The following ATP9B variants were observed in gnomAD, a reference collection of about 807,000 sequenced individuals.
ATP9B encodes the protein probable phospholipid-transporting ATPase IIB.
A neutral mutation model predicts 146.1 loss-of-function variants in ATP9B; 110 were observed. The observed-to-expected ratio is 0.75, with a 90% CI of 0.65 to 0.88. The LOEUF (loss-of-function observed/expected upper bound fraction) is 0.88, where lower values mean the gene tolerates loss of function less well. Among genes scored for constraint, ATP9B ranks in the 40% least tolerant of loss-of-function variants. ATP9B has a pLI of 0.00. For missense variants in ATP9B, 1,499 were observed against 1,496.4 expected (o/e 1.00, Z -0.03); for synonymous variants, 604 against 569.7 (o/e 1.06, Z -0.86).
intron 7 of ATP9B, among the ~76,000 whole-genome samples, chr18:79,165,421 A>T (rs2094950247): frequency 6.6e-6 from 1 of 152,196 alleles, no homozygotes; most frequent in African/African-American, 2.4e-5. Context: ...ACCAGAAGCC[A>T]GTAGCATTCT....
In ATP9B at chr18:79,377,320, G is replaced by A. The variant is rs1416961888; in HGVS notation, c.3381G>A (p.Leu1127=). The change falls in exon 30 of 30, where the codon CTG becomes CTA. Residue 1127 remains leucine, a synonymous_variant. Transcript: ENST00000426216. ...SAITVVSCLP[L]YVLKYLRRKL... ...TCACCGTGGTCAGCTGCCTCCCGCT[G>A]TATGTCCTCAAGTACCTGAGGCGCA... is the stretch of plus-strand genomic sequence containing the variant. 6.2e-7 allele frequency: 1 copy of A among 1,612,226 alleles called. No homozygotes were observed.
At chr18:79,365,789 G>T (rs1226915884) in intron 26 of ATP9B, among the ~76,000 whole-genome samples, 3 of 152,216 alleles carry the variant, frequency 2.0e-5, no homozygotes, top group Non-Finnish European at 2.9e-5. Flanking sequence ...GTGGATGGAG[G>T]ACAACTCCGT....
At position 79,071,287 on chromosome 18, in the gene ATP9B, G is replaced by A. The variant is rs554393516; in HGVS notation, c.119+1758G>A. 1.4e-4 allele frequency among the ~76,000 whole-genome samples: 21 copies of A among 151,150 alleles called. No individual in the cohort carries two copies. In the South Asian group the frequency reaches 4.4e-3, roughly 32 times the overall value. ...AGTATCATGTCCTGGGTATCAGATG[G>A]TGTTACAGTTTTTGTGTCAGTCATC... On this transcript the variant is annotated intron_variant, in intron 1 of 29. Transcript: ENST00000426216.
At chr18:79,340,583 A>G (rs2096852848) in intron 19 of ATP9B, 1 of 152,224 alleles carries the variant, frequency 6.6e-6, no homozygotes, top group Admixed American at 6.5e-5. Flanking sequence ...CCAAAAATGC[A>G]TATTTCAATA....
chr18:79,200,762 C>CTGTCGGGGTCAGAGCAGAGGTGGAG (rs376428579), intron 9 of ATP9B, among the ~76,000 whole-genome samples: 2 of 26,788 alleles, frequency 7.5e-5, no homozygotes, highest in South Asian at 1.3e-3. Flanking sequence ...GAGGTGGGAA[C>CTGTCGGGGTCAGAGCAGAGGTGGAG]GTTGGGGTCA....
Position 79,377,259 on chromosome 18 carries a change from T to C in ATP9B, c.3320T>C (p.Ile1107Thr). 6.2e-7 allele frequency: 1 copy of C among 1,612,108 alleles called. No individual in the cohort carries two copies. Among genetic ancestry groups the C allele is most frequent in the Non-Finnish European group, 8.5e-7 (1 of 1,180,022 alleles). The part of the protein sequence containing the change: ...SFGAFLDVAF[I>T]TTVTFLWKVS... ...TTCCTGCCAACAGATGTTGCCTTTA[T>C]CACCACCGTGACCTTCCTGTGGAAA... Residue 1107 changes from isoleucine (I) to threonine (T), a missense_variant, in exon 30 of 30, where the codon ATC becomes ACC. By Grantham distance (89) the Ile-to-Thr change is moderately conservative (BLOSUM62 -1). Coordinates refer to ENST00000426216, the MANE Select transcript of ATP9B (RefSeq NM_198531.5).
intron 10 of ATP9B, among the ~76,000 whole-genome samples, chr18:79,213,092 T>C (rs2095598429): frequency 6.6e-6 from 1 of 152,202 alleles, no homozygotes; most frequent in Non-Finnish European, 1.5e-5. Context: ...CATGTTAAGT[T>C]AATGTGACAT....
intron 26 of ATP9B, chr18:79,372,494 G>A: frequency 2.1e-6 from 1 of 479,456 alleles, no homozygotes; most frequent in Non-Finnish European, 4.1e-6. Context: ...TGTTTTTATT[G>A]CCAAGAGCCT....
At chr18:79,243,062 A>G (rs1341346603) in intron 11 of ATP9B, among the ~76,000 whole-genome samples, 1 of 151,968 alleles carries the variant, frequency 6.6e-6, no homozygotes, top group Admixed American at 6.5e-5. Flanking sequence ...TGCTATAACT[A>G]TCCTTCATTC....
At chr18:79,243,686 T>G (rs563202126) in intron 11 of ATP9B, among the ~76,000 whole-genome samples, 204 of 152,362 alleles carry the variant, frequency 1.3e-3, no homozygotes, top group African/African-American at 4.8e-3. Flanking sequence ...GTTGAGCACT[T>G]AAGCATTAAG....
chr18:79,371,401 A>C (rs12959818), intron 26 of ATP9B, among the ~76,000 whole-genome samples: 1 of 130,710 alleles, frequency 7.7e-6, no homozygotes, highest in Non-Finnish European at 1.6e-5. Context: ...AAAAAAAAAA[A>C]CAGTAGTGCT....
intron 25 of ATP9B, among the ~76,000 whole-genome samples, chr18:79,350,606 G>A (rs754049754): frequency 8.5e-5 from 13 of 152,322 alleles, no homozygotes; most frequent in African/African-American, 3.1e-4. Context: ...GATGGAAATG[G>A]TGGTAGGATT....
At chr18:79,184,701 T>C (rs780270400) in intron 8 of ATP9B, among the ~76,000 whole-genome samples, 4 of 152,174 alleles carry the variant, frequency 2.6e-5, no homozygotes, top group Non-Finnish European at 5.9e-5. Context: ...TGTGTCCTTC[T>C]TTTTCTTGTG....
intron 2 of ATP9B, among the ~76,000 whole-genome samples, chr18:79,104,541 A>G (rs1441557544): frequency 6.6e-6 from 1 of 152,192 alleles, no homozygotes; most frequent in East Asian, 1.9e-4. Flanking sequence ...TTATTGAACT[A>G]ATTTTTCTGG....
intron 25 of ATP9B, among the ~76,000 whole-genome samples, chr18:79,350,712 C>T (rs752537939): frequency 6.6e-6 from 1 of 151,590 alleles, no homozygotes; most frequent in South Asian, 2.1e-4. Context: ...TAAGTGCTAA[C>T]GCTTTTTAAA....
At chr18:79,245,084 T>G (rs560346999) in intron 11 of ATP9B, among the ~76,000 whole-genome samples, 31 of 152,312 alleles carry the variant, frequency 2.0e-4, no homozygotes, top group Non-Finnish European at 2.9e-5. Flanking sequence ...CCCCCCACTG[T>G]CAGGATCTGC....
Position 79,242,780 on chromosome 18 carries a change from C to T in ATP9B, c.1108-10601C>T, listed in dbSNP as rs73973023. On this transcript the variant is annotated intron_variant, in intron 11 of 29. Coordinates refer to ENST00000426216, the MANE Select transcript of ATP9B (RefSeq NM_198531.5). Reference sequence around the variant, plus strand: ...TTACAAGCCATTAAGTATGAAATGGCTCATAAAGTGTCTCTGAAGACATAA... The same window carrying T: ...TTACAAGCCATTAAGTATGAAATGGTTCATAAAGTGTCTCTGAAGACATAA... Among the ~76,000 whole-genome samples, 720 of 152,264 alleles carry T rather than the reference C, an allele frequency of 4.7e-3. 9 individuals are homozygous for T. Among genetic ancestry groups the T allele is most frequent in the African/African-American group, 0.016 (651 of 41,556 alleles).
In ATP9B at chr18:79,348,090, G is replaced by A. The variant is rs754962425; in HGVS notation, c.2839-42G>A. On this transcript the variant is annotated intron_variant, in intron 24 of 29. Coordinates refer to ENST00000426216, the MANE Select transcript of ATP9B (RefSeq NM_198531.5). ...GAGAGGCTTGGGGCCACAGGTGCTC[G>A]TGGAACTGACAGTTGTCTTCGTCTG... The A allele has an allele frequency of 2.2e-5, 36 of 1,611,532 alleles. No homozygotes were observed. In the South Asian group the frequency reaches 2.7e-4, roughly 12 times the overall value.
chr18:79,258,932 T>C (rs2096112518), intron 12 of ATP9B, among the ~76,000 whole-genome samples: 1 of 152,222 alleles, frequency 6.6e-6, no homozygotes, highest in South Asian at 2.1e-4. Flanking sequence ...CTTTTGCAAA[T>C]TTTCCGTAAA....
Sources: allele counts gnomAD v4.1 joint callset (sites outside exome capture counted in the v4.1 genomes callset), GRCh38; gene constraint gnomAD v4.1.1; transcripts MANE v1.5; gene names NCBI Gene and HGNC (gene_info 2026-07-23, HGNC 2026-07-21).